SMIM7: variants seen among roughly 807,000 people sequenced by gnomAD.
SMIM7 encodes small integral membrane protein 7.
SMIM7 carries 12 observed loss-of-function variants against 13.3 expected under a neutral mutation model. The observed-to-expected ratio is 0.90, with a 90% CI of 0.58 to 1.46. The LOEUF (loss-of-function observed/expected upper bound fraction) is 1.46. Ranked by LOEUF, SMIM7 falls within the 40% of genes most tolerant of loss-of-function variation. The pLI is 0.00. For synonymous variants in SMIM7, 36 were observed against 35.8 expected, an observed-to-expected ratio of 1.01 and a Z score of -0.02; for missense variants, 114 against 94.8, an observed-to-expected ratio of 1.20 and a Z score of -0.84.
At chr19:16,642,571 T>C (rs1299494137), downstream of SMIM7, among the ~76,000 whole-genome samples, 1 of 151,830 alleles carries the variant, frequency 6.6e-6, no homozygotes, top group Non-Finnish European at 1.5e-5. Context: ...AATGATATTG[T>C]GGTTCATGCC....
chr19:16,639,290 T>G (rs1055075297), intron 4 of SMIM7, among the ~76,000 whole-genome samples: 1 of 151,792 alleles, frequency 6.6e-6, no homozygotes, highest in Non-Finnish European at 1.5e-5. Context: ...GCCCGGCTAA[T>G]TTTTTGTATT....
At chr19:16,655,389 G>T (rs1305376168) in intron 3 of SMIM7, 2 of 455,806 alleles carry the variant, frequency 4.4e-6, no homozygotes, top group Non-Finnish European at 8.8e-6. Flanking sequence ...AAAAGAATGG[G>T]TCCAGATTAG....
downstream of SMIM7, chr19:16,645,796 G>C (rs1285148057): frequency 1.3e-5 from 2 of 151,766 alleles, no homozygotes; most frequent in Non-Finnish European, 1.5e-5. Context: ...CGAGTAGCTG[G>C]GATTATAGGC....
downstream of SMIM7, among the ~76,000 whole-genome samples, chr19:16,644,129 T>TTTG (rs1555704305): frequency 9.7e-4 from 144 of 148,186 alleles, no homozygotes; most frequent in Middle Eastern, 0.017. Flanking sequence ...TTTTTTTTTT[T>TTTG]TTTTTTTTTT....
chr19:16,644,126 T>G (rs2086426661), downstream of SMIM7, among the ~76,000 whole-genome samples: 1 of 147,054 alleles, frequency 6.8e-6, no homozygotes, highest in East Asian at 2.0e-4. Context: ...GCGTTTTTTT[T>G]TTTTTTTTTT....
chr19:16,641,444 C>T (rs2086403375), downstream of SMIM7: 1 of 151,438 alleles, frequency 6.6e-6, no homozygotes, highest in South Asian at 2.1e-4. Context: ...GATTACAGGC[C>T]TGTACCACCA....
chr19:16,640,783 A>G (rs2086398728), downstream of SMIM7: 1 of 152,144 alleles, frequency 6.6e-6, no homozygotes, highest in Non-Finnish European at 1.5e-5. Context: ...AAATACCAAC[A>G]TTATCCAGGC....
rs554219033 is a variant in SMIM7 at position 16,659,982 on chromosome 19, G to C, written c.45C>G (p.Ala15=). Residue 15 remains alanine, a synonymous_variant, in exon 2 of 5, where the codon GCC becomes GCG. Coordinates refer to ENST00000487416, the MANE Select transcript of SMIM7 (RefSeq NM_024104.4). ...ACAGCTTAAAGTTCAGCACCGCCCC[G>C]GCATTCATCAGCAACGTCCTGCAGA... ...ILLFGTLLMN[A]GAVLNFKLKK... is the part of the protein sequence containing the mutation. The C allele has an allele frequency of 1.2e-6, 2 of 1,613,616 alleles. No individual in the cohort carries two copies. Among genetic ancestry groups the C allele is most frequent in the African/African-American group, 1.3e-5 (1 of 75,064 alleles).
chr19:16,650,955 T>C (rs762901440), intron 4 of SMIM7, among the ~76,000 whole-genome samples: 2 of 152,204 alleles, frequency 1.3e-5, no homozygotes, highest in East Asian at 1.9e-4. Flanking sequence ...CCTCCGGCCT[T>C]CTTCACTTTC....
At chr19:16,642,310 C>A (rs1408654788), downstream of SMIM7, among the ~76,000 whole-genome samples, 1 of 152,138 alleles carries the variant, frequency 6.6e-6, no homozygotes, top group Non-Finnish European at 1.5e-5. Flanking sequence ...GTAATCCCAG[C>A]ACTTTGGGAA....
chr19:16,644,806 C>T (rs2086433484), downstream of SMIM7: 1 of 152,210 alleles, frequency 6.6e-6, no homozygotes, highest in African/African-American at 2.4e-5. Flanking sequence ...GATGAGAAGA[C>T]AGAAAACACA....
rs1599372351 is a variant in SMIM7 at position 16,652,733 on chromosome 19, A to G, written c.212+1302T>C. ...CACTGGGGTGGCACGCAGACTGGAC[A>G]GCAACCCCACATTCGGAGTCTCAAT... is the stretch of plus-strand genomic sequence containing the variant. On this transcript the variant is annotated intron_variant, in intron 4 of 4. Transcript: ENST00000487416. 2.8e-6 allele frequency: 4 copies of G among 1,451,608 alleles called. No individual in the cohort carries two copies. The East Asian group carries it at 7.6e-5, about 27-fold the overall frequency. 89.9% of individuals were successfully genotyped at this position (1,451,608 alleles called of 1,614,324 possible). A position where few individuals can be genotyped will look rare whatever the true frequency, so the allele number is the denominator to read the frequency against.
chr19:16,659,407 C>T lies in SMIM7; in HGVS notation c.109G>A (p.Glu37Lys), dbSNP rs1185964503. The change falls in exon 3 of 5, where the codon GAG becomes AAG. Residue 37 changes from glutamate (E) to lysine (K), a missense_variant. Transcript: ENST00000487416. ...DTQGFGEESR[E>K]PSTGDNIREF... is the part of the protein sequence containing the mutation. ...AATTAGACCTTACCTGTGCTGGGCT[C>T]CCTGGACTCCTCCCCAAAGCCCTGC... is the stretch of plus-strand genomic sequence containing the variant. 6.2e-7 allele frequency: 1 copy of T among 1,613,844 alleles called. No individual in the cohort carries two copies. The highest frequency in any genetic ancestry group is 8.5e-7 in the Non-Finnish European group (1 of 1,179,946).
intron 4 of SMIM7, among the ~76,000 whole-genome samples, chr19:16,632,335 T>C (rs1308171585): frequency 6.6e-6 from 1 of 152,056 alleles, no homozygotes; most frequent in African/African-American, 2.4e-5. Context: ...AACCTTGACA[T>C]GTCAAAGATA....
chr19:16,634,372 A>T (rs113940324), intron 4 of SMIM7: 2,422 of 152,230 alleles, frequency 0.016, 42 homozygotes, highest in Non-Finnish European at 0.023. Context: ...CACTGTGACT[A>T]AGAGAATGCA....
chr19:16,660,130 G>T lies in SMIM7; in HGVS notation c.-20C>A, dbSNP rs758627120. Reference sequence around the variant, plus strand: ...GATCATCGTTACGGCCGAAGCGTCCGTCAGAACCGGAAGCGGAAGCCCCAG... The same window carrying T: ...GATCATCGTTACGGCCGAAGCGTCCTTCAGAACCGGAAGCGGAAGCCCCAG... On this transcript the variant is annotated 5_prime_UTR_variant, in exon 1 of 5. Coordinates refer to ENST00000487416, the MANE Select transcript of SMIM7 (RefSeq NM_024104.4). 1.9e-6 allele frequency: 3 copies of T among 1,613,902 alleles called. No homozygotes were observed. Among genetic ancestry groups the T allele is most frequent in the South Asian group, 1.1e-5 (1 of 91,042 alleles).
intron 4 of SMIM7, among the ~76,000 whole-genome samples, chr19:16,639,418 G>T (rs144195043): frequency 6.6e-6 from 1 of 152,078 alleles, no homozygotes; most frequent in African/African-American, 2.4e-5. Flanking sequence ...CACTGCGCCC[G>T]GTCATAAGAT....
Position 16,638,494 on chromosome 19 carries a change from G to C in SMIM7, c.*138-6770C>G, listed in dbSNP as rs542778564. On this transcript the variant is annotated intron_variant and NMD_transcript_variant, in intron 4 of 4. Transcript: ENST00000465250. ...AATTTTTGTAATTTTTTTTAGTAGA[G>C]ACAGGGTTTCACCACATTGGCCAGG... Among the ~76,000 whole-genome samples, 14 of 151,636 alleles carry C rather than the reference G, an allele frequency of 9.2e-5. No individual in the cohort carries two copies. In the East Asian group the frequency reaches 2.4e-3, roughly 26 times the overall value.
intron 4 of SMIM7, among the ~76,000 whole-genome samples, chr19:16,651,322 C>A (rs1355749542): frequency 6.6e-6 from 1 of 152,216 alleles, no homozygotes; most frequent in Admixed American, 6.5e-5. Flanking sequence ...GAAGCAGCCA[C>A]ACACATGAAC....
Sources: gnomAD v4.1 joint callset for allele counts (sites outside exome capture counted in the v4.1 genomes callset) on GRCh38, gnomAD v4.1.1 for gene constraint, MANE v1.5 for transcripts, NCBI Gene and HGNC (gene_info 2026-07-23, HGNC 2026-07-21) for gene names.